The following RSRC1 variants were observed in gnomAD, a reference collection of about 807,000 sequenced individuals.
The protein encoded by RSRC1 is arginine and serine rich coiled-coil 1.
A neutral mutation model predicts 49.1 loss-of-function variants in RSRC1; 39 were observed. That is an observed-to-expected ratio of 0.79 (90% confidence interval 0.61 to 1.04). The LOEUF is 1.04. RSRC1 is among the 50% of genes least tolerant of loss of function. The pLI is 0.00. For synonymous variants in RSRC1, 143 were observed against 130.8 expected, an observed-to-expected ratio of 1.09 and a Z score of -0.63; for missense variants, 388 against 402.4, an observed-to-expected ratio of 0.96 and a Z score of 0.31.
At chr3:158,416,825 T>C (rs1015753160) in intron 6 of RSRC1, among the ~76,000 whole-genome samples, 6 of 152,114 alleles carry the variant, frequency 3.9e-5, no homozygotes, top group Admixed American at 2.0e-4. Flanking sequence ...AAGTAAATAT[T>C]GTTAGAAGTA....
At chr3:158,282,803 A>C (rs1726259213) in intron 4 of RSRC1, among the ~76,000 whole-genome samples, 1 of 152,190 alleles carries the variant, frequency 6.6e-6, no homozygotes, top group South Asian at 2.1e-4. Context: ...CTGGTTTGAG[A>C]AGAGTTACAT....
intron 3 of RSRC1, among the ~76,000 whole-genome samples, chr3:158,197,591 C>G (rs1720716546): frequency 6.6e-6 from 1 of 151,996 alleles, no homozygotes; most frequent in Non-Finnish European, 1.5e-5. Context: ...GTTAGGATGT[C>G]AATTTTAGAT....
At chr3:158,229,474 A>G (rs570718980) in intron 4 of RSRC1, among the ~76,000 whole-genome samples, 10 of 150,366 alleles carry the variant, frequency 6.7e-5, no homozygotes, top group Admixed American at 6.6e-4. Flanking sequence ...ATACATAATT[A>G]TATTCACAAA....
chr3:158,198,188 A>G (rs972360652), intron 3 of RSRC1, among the ~76,000 whole-genome samples: 1 of 152,116 alleles, frequency 6.6e-6, no homozygotes, highest in African/African-American at 2.4e-5. Flanking sequence ...TATTGGGTGC[A>G]TATATATTTA....
intron 7 of RSRC1, among the ~76,000 whole-genome samples, chr3:158,487,177 G>A (rs1320637261): frequency 6.6e-6 from 1 of 152,166 alleles, no homozygotes; most frequent in African/African-American, 2.4e-5. Flanking sequence ...TTAAGCAGTA[G>A]AGCTAACCAA....
chr3:158,232,583 C>T (rs1723028714), intron 4 of RSRC1, among the ~76,000 whole-genome samples: 1 of 152,104 alleles, frequency 6.6e-6, no homozygotes, highest in Non-Finnish European at 1.5e-5. Context: ...AAGGACAGTG[C>T]TCTAGAGATA....
chr3:158,309,332 G>A lies in RSRC1; in HGVS notation c.531+11257G>A, dbSNP rs138226791. ...TTTAAGGGATCTTGATGTGGTATCT[G>A]CTTTTATAAACCTCTAAGTTTTAAA... On this transcript the variant is annotated intron_variant, in intron 5 of 9. Coordinates refer to ENST00000611884, the MANE Select transcript of RSRC1 (RefSeq NM_001271838.2). Among the ~76,000 whole-genome samples the A allele has an allele frequency of 1.0e-3, 159 of 151,868 alleles. 1 individual carries two copies. The Middle Eastern group carries it at 0.024, about 23-fold the overall frequency.
At chr3:158,514,026 G>A (rs1193988777) in intron 7 of RSRC1, among the ~76,000 whole-genome samples, 1 of 151,870 alleles carries the variant, frequency 6.6e-6, no homozygotes, top group Non-Finnish European at 1.5e-5. Context: ...TATTAGTCTT[G>A]CTAGCGGTCT....
chr3:158,405,815 A>G (rs975009582), intron 6 of RSRC1, among the ~76,000 whole-genome samples: 3 of 152,124 alleles, frequency 2.0e-5, no homozygotes, highest in Non-Finnish European at 1.5e-5. Flanking sequence ...TGCTAGATCG[A>G]GTAGCTAAAG....
rs747083481 is a variant in RSRC1, at chr3:158,123,915, C to T, written c.244C>T (p.Arg82Ter). Reference protein sequence around the residue: ...SSSSYGSRRKRSRSRSRGRGK... With the variant: ...SSSSYGSRRK ...CTCTTCTTATGGCTCCAGAAGGAAA[C>T]GAAGTCGAAGTCGTTCAAGGGGTCG... is the stretch of plus-strand genomic sequence containing the variant. The change falls in exon 3 of 10, where the codon CGA (arginine) becomes TGA (stop). Residue 82 changes from arginine to a stop codon, truncating the protein, a stop_gained. Transcript: ENST00000611884. LOFTEE classifies it high-confidence loss of function. The T allele has an allele frequency of 3.0e-5, 48 of 1,612,346 alleles. No individual in the cohort carries two copies. Among genetic ancestry groups the T allele is most frequent in the South Asian group, 4.4e-5 (4 of 91,000 alleles).
At chr3:158,524,139 C>T (rs532098144) in intron 7 of RSRC1, among the ~76,000 whole-genome samples, 39 of 152,162 alleles carry the variant, frequency 2.6e-4, no homozygotes, top group African/African-American at 8.4e-4. Flanking sequence ...GTCTGCAGCT[C>T]ATCTGGGCAC....
At chr3:158,436,417 T>A (rs9847460) in intron 6 of RSRC1, among the ~76,000 whole-genome samples, 78,294 of 151,586 alleles carry the variant, frequency 0.52, 20,635 homozygotes, top group South Asian at 0.6. Context: ...TAAAAATATA[T>A]ATATATATCT....
chr3:158,228,623 T>G (rs1322456526), intron 4 of RSRC1, among the ~76,000 whole-genome samples: 3 of 151,998 alleles, frequency 2.0e-5, no homozygotes, highest in Non-Finnish European at 4.4e-5. Context: ...TATCAAACTA[T>G]CATTAGATGA....
intron 6 of RSRC1, among the ~76,000 whole-genome samples, chr3:158,398,619 C>G (rs1398697371): frequency 6.6e-6 from 1 of 152,156 alleles, no homozygotes; most frequent in Non-Finnish European, 1.5e-5. Context: ...CACAGACATT[C>G]AAACCATAGC....
chr3:158,311,641 G>T (rs1728135168), intron 5 of RSRC1, among the ~76,000 whole-genome samples: 1 of 151,916 alleles, frequency 6.6e-6, no homozygotes, highest in Non-Finnish European at 1.5e-5. Flanking sequence ...GAAATCTAAT[G>T]TACAGCATGG....
intron 4 of RSRC1, among the ~76,000 whole-genome samples, chr3:158,207,321 TCC>T (rs1721396146): frequency 6.6e-6 from 1 of 152,198 alleles, no homozygotes; most frequent in Non-Finnish European, 1.5e-5. Context: ...CCTTCTTTTC[TCC>T]CTCTCTCTTC....
chr3:158,524,747 T>C (rs1031872175), intron 7 of RSRC1, among the ~76,000 whole-genome samples: 4 of 152,018 alleles, frequency 2.6e-5, no homozygotes, highest in Non-Finnish European at 4.4e-5. Flanking sequence ...CCCTCATGTA[T>C]ATGATCAATT....
At chr3:158,465,125 G>C (rs1342593600) in intron 7 of RSRC1, among the ~76,000 whole-genome samples, 1 of 152,060 alleles carries the variant, frequency 6.6e-6, no homozygotes, top group Non-Finnish European at 1.5e-5. Flanking sequence ...GAATAGGTGA[G>C]GTACTCCATT....
At chr3:158,166,038 A>G (rs1718509028) in intron 3 of RSRC1, among the ~76,000 whole-genome samples, 2 of 152,168 alleles carry the variant, frequency 1.3e-5, no homozygotes, top group South Asian at 4.1e-4. Flanking sequence ...GACATTTACC[A>G]GAGTTTTGTA....
Sources: gnomAD v4.1 joint callset for allele counts (sites outside exome capture counted in the v4.1 genomes callset) on GRCh38, gnomAD v4.1.1 for gene constraint, MANE v1.5 for transcripts, NCBI Gene and HGNC (gene_info 2026-07-23, HGNC 2026-07-21) for gene names.